The following BCAR3 variants were observed in gnomAD, a reference collection of about 807,000 sequenced individuals.
The protein encoded by BCAR3 is breast cancer anti-estrogen resistance protein 3.
BCAR3 carries 37 observed loss-of-function variants against 80.1 expected under a neutral mutation model. That is an observed-to-expected ratio of 0.46 (90% CI 0.36 to 0.61). BCAR3 has a LOEUF of 0.61. Ranked by LOEUF, BCAR3 falls within the 20% of genes least tolerant of loss-of-function variation. The probability of loss-of-function intolerance (pLI) is 0.00; values close to 1 mark genes in which losing one functional copy is unlikely to be tolerated. For synonymous variants in BCAR3, 389 were observed against 418.9 expected, an observed-to-expected ratio of 0.93 and a Z score of 0.87; for missense variants, 978 against 1,068.2, an observed-to-expected ratio of 0.92 and a Z score of 1.18.
chr1:93,675,236 T>C (rs41298527), intron 1 of BCAR3, among the ~76,000 whole-genome samples: 32 of 152,260 alleles, frequency 2.1e-4, no homozygotes, highest in Non-Finnish European at 4.1e-4. Flanking sequence ...CAAAAAAAGA[T>C]GATTAAGAGA....
intron 2 of BCAR3, among the ~76,000 whole-genome samples, chr1:93,652,687 C>T (rs557281308): frequency 6.6e-6 from 1 of 152,136 alleles, no homozygotes; most frequent in East Asian, 1.9e-4. Flanking sequence ...GAGTCCTCAC[C>T]CTGTGATTCC....
chr1:93,813,205 T>A (rs1267117313), intron 2 of BCAR3, among the ~76,000 whole-genome samples: 1 of 152,114 alleles, frequency 6.6e-6, no homozygotes, highest in Non-Finnish European at 1.5e-5. Context: ...GTGTGAATTA[T>A]ATTCACTCCC....
intron 3 of BCAR3, among the ~76,000 whole-genome samples, chr1:93,603,741 C>T (rs1266509869): frequency 6.6e-6 from 1 of 152,240 alleles, no homozygotes; most frequent in Admixed American, 6.5e-5. Context: ...TGCCGTGCTA[C>T]TCTGCCTCTC....
chr1:93,801,815 C>T (rs1653489205), intron 2 of BCAR3, among the ~76,000 whole-genome samples: 1 of 152,140 alleles, frequency 6.6e-6, no homozygotes, highest in Non-Finnish European at 1.5e-5. Context: ...AAGACCTTAT[C>T]TCCACAAAAA....
intron 2 of BCAR3, among the ~76,000 whole-genome samples, chr1:93,645,638 T>TTG (rs71588504): frequency 0.16 from 24,590 of 149,666 alleles, 2,068 homozygotes; most frequent in Middle Eastern, 0.21. Flanking sequence ...TACAGGATCT[T>TTG]TGTGTGTGTG....
At chr1:93,751,627 G>A (rs1651560601) in intron 2 of BCAR3, among the ~76,000 whole-genome samples, 1 of 152,202 alleles carries the variant, frequency 6.6e-6, no homozygotes, top group Non-Finnish European at 1.5e-5. Context: ...ACTGCAGGGA[G>A]AAAATATCAA....
At chr1:93,719,375 T>G (rs1229834945) in intron 2 of BCAR3, among the ~76,000 whole-genome samples, 1 of 116,582 alleles carries the variant, frequency 8.6e-6, no homozygotes, top group Non-Finnish European at 1.6e-5. Context: ...AGAGTCTCAC[T>G]CTGTTGCCAG....
At chr1:93,587,585 G>A (rs1411162914) in intron 5 of BCAR3, among the ~76,000 whole-genome samples, 1 of 152,046 alleles carries the variant, frequency 6.6e-6, no homozygotes, top group East Asian at 1.9e-4. Context: ...ATGTGCCGGA[G>A]CCTCCAGGCA....
chr1:93,656,423 T>C (rs1647382455), intron 2 of BCAR3, among the ~76,000 whole-genome samples: 1 of 152,148 alleles, frequency 6.6e-6, no homozygotes, highest in Non-Finnish European at 1.5e-5. Flanking sequence ...ATCTAATTTA[T>C]TATTTAACCT....
At chr1:93,674,542 G>A (rs989484092) in intron 2 of BCAR3, 72 bp downstream of exon 2, 24 of 1,505,020 alleles carry the variant, frequency 1.6e-5, no homozygotes, top group African/African-American at 1.3e-4. Flanking sequence ...GAGCCACCAC[G>A]CCCGGCCATA....
chr1:93,674,428 G>A (rs1648364546), intron 2 of BCAR3, among the ~76,000 whole-genome samples, 186 bp downstream of exon 2: 1 of 152,060 alleles, frequency 6.6e-6, no homozygotes, highest in African/African-American at 2.4e-5. Flanking sequence ...GCTAATTTTT[G>A]TATTTTTAGT....
chr1:93,843,055 A>C (rs190893800), intron 2 of BCAR3, among the ~76,000 whole-genome samples: 1 of 152,322 alleles, frequency 6.6e-6, no homozygotes, highest in East Asian at 1.9e-4. Context: ...TCTAGCAAGA[A>C]ATGAGTCTTC....
intron 3 of BCAR3, among the ~76,000 whole-genome samples, chr1:93,622,696 T>C (rs1006518404): frequency 6.6e-6 from 1 of 152,166 alleles, no homozygotes; most frequent in African/African-American, 2.4e-5. Flanking sequence ...GTTCTGTGCA[T>C]GGAAGGACCT....
intron 2 of BCAR3, among the ~76,000 whole-genome samples, chr1:93,777,429 C>CTCCTCCTCCTCTTCCTCCTCCTCCTCT (rs1652605319): frequency 8.0e-6 from 1 of 125,108 alleles, no homozygotes; most frequent in African/African-American, 3.5e-5. Context: ...CCTCCTCTTC[C>CTCCTCCTCCTCTTCCTCCTCCTCCTCT]TCCTCCTCCT....
intron 2 of BCAR3, among the ~76,000 whole-genome samples, chr1:93,790,634 A>ATTTTTTTTTTTTTTTTATTTT (rs67196746): frequency 8.4e-5 from 9 of 107,378 alleles, no homozygotes; most frequent in Non-Finnish European, 1.1e-4. Flanking sequence ...TTTTGTATTC[A>ATTTTTTTTTTTTTTTTATTTT]TTTTTTTTTT....
At chr1:93,610,042 C>T (rs1674902399) in intron 3 of BCAR3, among the ~76,000 whole-genome samples, 1 of 152,212 alleles carries the variant, frequency 6.6e-6, no homozygotes, top group South Asian at 2.1e-4. Context: ...AGAATGCCCA[C>T]CAGGCATGGT....
At chr1:93,718,413 A>G (rs907178091) in intron 2 of BCAR3, among the ~76,000 whole-genome samples, 3 of 152,170 alleles carry the variant, frequency 2.0e-5, no homozygotes, top group Non-Finnish European at 4.4e-5. Context: ...CAGTGTGAGG[A>G]GCGATGCTGG....
Position 93,619,175 on chromosome 1 carries a change from T to C in BCAR3, c.357+23129A>G, listed in dbSNP as rs58642118. ...GTTGGCCAGGATGGGCTCGATCTCC[T>C]GACCTCGTGATCCGCCCACCTCGGC... is the stretch of plus-strand genomic sequence containing the variant. On this transcript the variant is annotated intron_variant, in intron 3 of 11. Transcript: ENST00000260502. Among the ~76,000 whole-genome samples the C allele has an allele frequency of 7.4e-3, 1,114 of 151,230 alleles. 11 individuals carry two copies. The highest frequency in any genetic ancestry group is 0.025 in the African/African-American group (1,036 of 41,108).
intron 2 of BCAR3, among the ~76,000 whole-genome samples, chr1:93,824,540 G>A (rs1390486193): frequency 7.5e-6 from 1 of 132,896 alleles, no homozygotes; most frequent in African/African-American, 2.5e-5. Flanking sequence ...TCTCAGTGCT[G>A]GGGAAAACAC....
Sources: allele counts gnomAD v4.1 joint callset (sites outside exome capture counted in the v4.1 genomes callset), GRCh38; gene constraint gnomAD v4.1.1; transcripts MANE v1.5; gene names NCBI Gene and HGNC (gene_info 2026-07-23, HGNC 2026-07-21).